The following NARS1 variants were observed in gnomAD, a reference collection of about 807,000 sequenced individuals.
The protein encoded by NARS1 is asparaginyl-tRNA synthetase 1.
Under a neutral mutation model 79.2 loss-of-function variants are expected in NARS1, and 65 were observed. The observed-to-expected ratio is 0.82, with a 90% CI of 0.67 to 1.01. The LOEUF is 1.01. Ranked by LOEUF, NARS1 falls within the 50% of genes least tolerant of loss-of-function variation. NARS1 has a pLI of 0.00. For synonymous variants in NARS1, 229 were observed against 238.8 expected, an observed-to-expected ratio of 0.96 and a Z score of 0.38; for missense variants, 649 against 673.8, an observed-to-expected ratio of 0.96 and a Z score of 0.41.
intron 11 of NARS1, among the ~76,000 whole-genome samples, chr18:57,603,333 G>A (rs2051526100): frequency 6.6e-6 from 1 of 151,990 alleles, no homozygotes; most frequent in Non-Finnish European, 1.5e-5. Flanking sequence ...GTCCCGTAAG[G>A]CATACGGTAA....
chr18:57,602,049 A>G (rs190432470), intron 13 of NARS1, among the ~76,000 whole-genome samples: 1 of 152,184 alleles, frequency 6.6e-6, no homozygotes, highest in East Asian at 1.9e-4. Context: ...AAAACTTTTA[A>G]AATAAGTCAA....
rs142888262 is a variant in NARS1 at position 57,604,105 on chromosome 18, CAAAAG to C, written c.1252-1167_1252-1163del. Among the ~76,000 whole-genome samples, 591 of 152,314 alleles carry C rather than the reference CAAAAG, an allele frequency of 3.9e-3. 5 individuals are homozygous for C. The highest frequency in any genetic ancestry group is 0.013 in the African/African-American group (525 of 41,558). On this transcript the variant is annotated intron_variant, in intron 11 of 13. Transcript: ENST00000256854. Reference sequence around the variant, plus strand: ...GTCACTGGTCTTCAGTTACACAGCACAAAAGAAAAGAGGTGGGAGCTAAGCCCACC... The same window carrying C: ...GTCACTGGTCTTCAGTTACACAGCACAAAAGAGGTGGGAGCTAAGCCCACC...
At chr18:57,611,223 C>A (rs2051602377) in intron 6 of NARS1, among the ~76,000 whole-genome samples, 1 of 152,088 alleles carries the variant, frequency 6.6e-6, no homozygotes, top group South Asian at 2.1e-4. Context: ...ACTTCAGCCT[C>A]CCAAAGTGCC....
At position 57,606,621 on chromosome 18, in the gene NARS1, T is replaced by C; in HGVS notation, c.1132A>G (p.Asn378Asp). The C allele has an allele frequency of 6.2e-7, 1 of 1,613,502 alleles. No individual in the cohort carries two copies. Among genetic ancestry groups the C allele is most frequent in the Non-Finnish European group, 8.5e-7 (1 of 1,179,644 alleles). ...TCCATAAACACTGCACCTACCGGGT[T>C]GAGCTCATGCACTATGCTCCCTGCA... ...SPAGSIVHELNPNFQPPKRPF... is the reference protein window; with the variant it reads ...SPAGSIVHELDPNFQPPKRPF... The change falls in exon 10 of 14, where the codon AAC (asparagine) becomes GAC (aspartate). Residue 378 changes from asparagine (N) to aspartate (D), a missense_variant. Coordinates refer to ENST00000256854, the MANE Select transcript of NARS1 (RefSeq NM_004539.4).
Position 57,606,741 on chromosome 18 carries a change from C to A in NARS1, c.1012G>T (p.Val338Leu). ...TRRHLAEYTHVEAECPFLTFD... is the reference protein window; with the variant it reads ...TRRHLAEYTHLEAECPFLTFD... ...GTCAGGAAAGGACACTCAGCTTCCA[C>A]GTGAGTGTACCTGAAGAACGAGACA... The change falls in exon 10 of 14, where the codon GTG (valine) becomes TTG (leucine). Residue 338 changes from valine to leucine, a missense_variant. Physicochemically the swap from Val to Leu is conservative, Grantham distance 32 (BLOSUM62 1). Coordinates refer to ENST00000256854, the MANE Select transcript of NARS1 (RefSeq NM_004539.4). 6.2e-7 allele frequency: 1 copy of A among 1,614,164 alleles called. No homozygotes were observed. Among genetic ancestry groups the A allele is most frequent in the African/African-American group, 1.3e-5 (1 of 75,052 alleles).
At chr18:57,602,520 C>T in intron 12 of NARS1, 34 bp from the exon 13 acceptor site, 1 of 1,611,392 alleles carries the variant, frequency 6.2e-7, no homozygotes, top group South Asian at 1.1e-5. Context: ...TACACAATTA[C>T]TATCAAGCGA....
At chr18:57,614,934 G>A (rs1165887156) in intron 4 of NARS1, among the ~76,000 whole-genome samples, 4 of 152,192 alleles carry the variant, frequency 2.6e-5, no homozygotes, top group Admixed American at 2.6e-4. Flanking sequence ...CCAGCACTTT[G>A]GGAGGCTGAG....
Position 57,619,580 on chromosome 18 carries a change from A to G in NARS1, c.93+989T>C, listed in dbSNP as rs146461142. Reference sequence around the variant, plus strand: ...CTTCCTTATGTGGCAGTTATAGCCAATGGATTCTAGCATATGAGTTCAACA... The same window carrying G: ...CTTCCTTATGTGGCAGTTATAGCCAGTGGATTCTAGCATATGAGTTCAACA... On this transcript the variant is annotated intron_variant, in intron 2 of 13. Coordinates refer to ENST00000256854, the MANE Select transcript of NARS1 (RefSeq NM_004539.4). Among the ~76,000 whole-genome samples, 1,099 of 152,230 alleles carry G rather than the reference A, an allele frequency of 7.2e-3. 9 individuals are homozygous for G. Among genetic ancestry groups the G allele is most frequent in the African/African-American group, 0.025 (1,040 of 41,540 alleles).
chr18:57,607,275 A>G lies in NARS1; in HGVS notation c.860T>C (p.Leu287Pro), dbSNP rs746915159. Residue 287 changes from leucine to proline, a missense_variant, in exon 9 of 14, where the codon CTT (leucine) becomes CCT (proline). Leu to Pro is a moderately conservative substitution (Grantham distance 98, BLOSUM62 -3). Transcript: ENST00000256854. ...QVEGGATLFK[L>P]DYFGEEAFLT... is the part of the protein sequence containing the mutation. ...AAATGCCTCTTCCCCAAAATAGTCA[A>G]GCTTGAAGAGTGTGGCACCACCTTC... 2.1e-5 allele frequency: 34 copies of G among 1,614,084 alleles called. No individual in the cohort carries two copies. The highest frequency in any genetic ancestry group is 2.8e-5 in the Non-Finnish European group (33 of 1,180,042).
intron 4 of NARS1, among the ~76,000 whole-genome samples, chr18:57,615,380 T>C (rs1490597995): frequency 1.3e-5 from 2 of 151,926 alleles, no homozygotes; most frequent in East Asian, 3.9e-4. Flanking sequence ...CGGGCGCCTG[T>C]AGTCCCAGCT....
Position 57,615,851 on chromosome 18 carries a change from T to A in NARS1, c.218A>T (p.Glu73Val), listed in dbSNP as rs759199193. The change falls in exon 3 of 14, where the codon GAA becomes GTA. Residue 73 changes from glutamate to valine, a missense_variant. Glu to Val is a moderately radical substitution (Grantham distance 121, BLOSUM62 -2). Transcript: ENST00000256854. The part of the protein sequence containing the change: ...LKNIKKMWHR[E>V]QMKSESREKK... ...TTCCCGGGATTCACTCTTCATTTGTTCCCTATGCCACATCTTTTTAATGTT... is the reference window on the plus strand; with the variant it reads ...TTCCCGGGATTCACTCTTCATTTGTACCCTATGCCACATCTTTTTAATGTT... 2.5e-6 allele frequency: 4 copies of A among 1,613,230 alleles called. No homozygotes were observed. Among genetic ancestry groups the A allele is most frequent in the South Asian group, 2.2e-5 (2 of 90,772 alleles).
Position 57,620,670 on chromosome 18 carries a change from G to A in NARS1, c.11-19C>T. ...AGCTCTGCTGTTTGACAAAATGAGGGTAAGTTATGGTCTGGCCATTAACTA... is the reference window on the plus strand; with the variant it reads ...AGCTCTGCTGTTTGACAAAATGAGGATAAGTTATGGTCTGGCCATTAACTA... On this transcript the variant is annotated intron_variant, in intron 1 of 13. Coordinates refer to ENST00000256854, the MANE Select transcript of NARS1 (RefSeq NM_004539.4). The A allele has an allele frequency of 1.3e-6, 2 of 1,541,874 alleles. No individual in the cohort carries two copies. Among genetic ancestry groups the A allele is most frequent in the East Asian group, 2.3e-5 (1 of 44,392 alleles).
Position 57,607,650 on chromosome 18 carries a change from C to A in NARS1, c.595G>T (p.Glu199Ter). 6.2e-7 allele frequency: 1 copy of A among 1,612,864 alleles called. No homozygotes were observed. Among genetic ancestry groups the A allele is most frequent in the South Asian group, 1.1e-5 (1 of 91,030 alleles). The change falls in exon 8 of 14, where the codon GAG becomes TAG. Residue 199 changes from glutamate to a stop codon, truncating the protein, a stop_gained. Coordinates refer to ENST00000256854, the MANE Select transcript of NARS1 (RefSeq NM_004539.4). LOFTEE classifies it high-confidence loss of function. ...PKGKQAPGGH[E>*]LSCDFWELIG... is the part of the protein sequence containing the mutation. ...AGTTCCCAGAAGTCACAACTCAGCT[C>A]ATGGCCACCTGGAGCCTGCATTTTT...
At chr18:57,621,622 G>A (rs761216380) in intron 1 of NARS1, 86 bp downstream of exon 1, 2 of 1,161,352 alleles carry the variant, frequency 1.7e-6, no homozygotes, top group Non-Finnish European at 2.6e-6. Flanking sequence ...ACTCTGGTAG[G>A]CACTAAGGAA....
intron 2 of NARS1, 62 bp downstream of exon 2, chr18:57,620,507 A>C (rs388644): frequency 0.91 from 1,117,239 of 1,228,106 alleles, 512,219 homozygotes; most frequent in Non-Finnish European, 0.94. Flanking sequence ...GCAAGTCACA[A>C]GAAAATTGAC....
At chr18:57,614,100 G>T (rs919365200) in intron 4 of NARS1, among the ~76,000 whole-genome samples, 3 of 152,178 alleles carry the variant, frequency 2.0e-5, no homozygotes, top group Non-Finnish European at 4.4e-5. Context: ...TTGTTTGGGG[G>T]ATGAAGGAGA....
chr18:57,608,816 TTTAAGTCAGTGGTCTGGGAGAGGCAGAC>T (rs1206039029), intron 7 of NARS1, among the ~76,000 whole-genome samples: 1 of 152,178 alleles, frequency 6.6e-6, no homozygotes, highest in Non-Finnish European at 1.5e-5. Flanking sequence ...AAGATTAACA[TTTAAGTCAGTGGTCTGGGAGAGGCAGAC>T]CCACCCTCAA....
chr18:57,613,120 A>G (rs2122445495), intron 5 of NARS1, among the ~76,000 whole-genome samples: 1 of 152,142 alleles, frequency 6.6e-6, no homozygotes, highest in South Asian at 2.1e-4. Flanking sequence ...GTGAGGTGCT[A>G]TGTGCCTGTA....
intron 11 of NARS1, among the ~76,000 whole-genome samples, chr18:57,605,112 C>T (rs2051541589): frequency 9.0e-6 from 1 of 110,990 alleles, no homozygotes; most frequent in South Asian, 3.4e-4. Flanking sequence ...GCACAAGATA[C>T]ATTCTCCAGA....
Sources: allele counts gnomAD v4.1 joint callset (sites outside exome capture counted in the v4.1 genomes callset), GRCh38; gene constraint gnomAD v4.1.1; transcripts MANE v1.5; gene names NCBI Gene and HGNC (gene_info 2026-07-23, HGNC 2026-07-21).